TRMT11: variants seen among roughly 807,000 people sequenced by gnomAD.
The protein encoded by TRMT11 is tRNA (guanine(10)-N(2))-methyltransferase TRMT11.
A neutral mutation model predicts 62.8 loss-of-function variants in TRMT11; 53 were observed. The observed-to-expected ratio is 0.84, with a 90% CI of 0.68 to 1.06. The LOEUF is 1.06. Ranked by LOEUF, TRMT11 falls within the 50% of genes least tolerant of loss-of-function variation. TRMT11 has a pLI of 0.00. For missense variants in TRMT11, 556 were observed against 553.4 expected, an observed-to-expected ratio of 1.00 and a Z score of -0.05; for synonymous variants, 188 against 190.3, an observed-to-expected ratio of 0.99 and a Z score of 0.10.
At chr6:126,124,411 C>CAT (rs1777686964) in intron 21 of TRMT11, among the ~76,000 whole-genome samples, 1 of 151,996 alleles carries the variant, frequency 6.6e-6, no homozygotes, top group Non-Finnish European at 1.5e-5. Flanking sequence ...GTGCAGGTGT[C>CAT]ATAGATTGCA....
At chr6:126,262,615 T>G in the TRMT11 span, among the ~76,000 whole-genome samples, 1 of 152,094 alleles carries the variant, frequency 6.6e-6, no homozygotes, top group Non-Finnish European at 1.5e-5. Flanking sequence ...TCTGCAGCAG[T>G]GTACTTGTGT....
chr6:126,224,516 A>G, the TRMT11 span, among the ~76,000 whole-genome samples: 3 of 152,190 alleles, frequency 2.0e-5, no homozygotes, highest in East Asian at 3.9e-4. Flanking sequence ...GCACCTGTTG[A>G]TCTTGGGGGC....
At chr6:126,197,007 T>C (rs1778674718) in intron 1 of TRMT11, among the ~76,000 whole-genome samples, 1 of 152,168 alleles carries the variant, frequency 6.6e-6, no homozygotes, top group Non-Finnish European at 1.5e-5. Flanking sequence ...GCCCCAAAAT[T>C]TTGAAGTTCA....
At chr6:126,159,232 A>G (rs1357867182) in intron 21 of TRMT11, among the ~76,000 whole-genome samples, 1 of 151,864 alleles carries the variant, frequency 6.6e-6, no homozygotes, top group African/African-American at 2.4e-5. Context: ...GTCCCCTCCA[A>G]ACTTTCTTTC....
At chr6:126,116,274 C>T (rs1195157839) in intron 21 of TRMT11, among the ~76,000 whole-genome samples, 1 of 151,860 alleles carries the variant, frequency 6.6e-6, no homozygotes, top group African/African-American at 2.4e-5. Flanking sequence ...GAAGAAGATG[C>T]TAGAATGAAG....
chr6:126,093,604 TATATATATATATATATA>T lies in TRMT11; in HGVS notation c.*1438-19261_*1438-19245del, dbSNP rs1195292509. On this transcript the variant is annotated intron_variant and NMD_transcript_variant, in intron 17 of 22. Transcript: ENST00000648977. ...ATGTATGTATATATATATATATATA[TATATATATATATATATA>T]TATATATATATTTTCCCCCAGTCCT... Among the ~76,000 whole-genome samples the T allele has an allele frequency of 1.6e-4, 14 of 87,380 alleles. 2 individuals carry two copies. The highest frequency in any genetic ancestry group is 9.8e-4 in the African/African-American group (14 of 14,346). 57.3% of individuals were successfully genotyped at this position (87,380 alleles called of 152,430 possible). A position where few individuals can be genotyped will look rare whatever the true frequency, so the allele number is the denominator to read the frequency against.
upstream of TRMT11, among the ~76,000 whole-genome samples, chr6:126,174,998 A>G (rs1291430296): frequency 2.0e-5 from 3 of 152,222 alleles, no homozygotes; most frequent in African/African-American, 7.2e-5. Context: ...AAAGGAGCAT[A>G]TTGTATGTGC....
the TRMT11 span, among the ~76,000 whole-genome samples, chr6:126,231,091 G>A: frequency 1.3e-5 from 2 of 152,172 alleles, no homozygotes; most frequent in South Asian, 2.1e-4. Flanking sequence ...CACATTAGCT[G>A]TCTTTTATCT....
chr6:126,083,003 C>T (rs1777175456), intron 17 of TRMT11, among the ~76,000 whole-genome samples: 1 of 152,134 alleles, frequency 6.6e-6, no homozygotes. Flanking sequence ...AGAACTCATA[C>T]AACTCAAGAG....
intron 2 of TRMT11, 144 bp from the exon 3 acceptor site, chr6:125,995,823 C>G: frequency 1.6e-6 from 1 of 618,150 alleles, no homozygotes. Flanking sequence ...ACTATTGGAA[C>G]GATTTTTATT....
chr6:126,039,603 T>A (rs1436558434), downstream of TRMT11, among the ~76,000 whole-genome samples: 1 of 152,094 alleles, frequency 6.6e-6, no homozygotes, highest in Admixed American at 6.6e-5. Flanking sequence ...GCCTAATCAG[T>A]GCCCTTTGAA....
intron 21 of TRMT11, among the ~76,000 whole-genome samples, chr6:126,144,702 A>G (rs1448343424): frequency 6.6e-6 from 1 of 151,430 alleles, no homozygotes; most frequent in African/African-American, 2.4e-5. Context: ...ATTCTCAGAC[A>G]CTCTTCCTTG....
chr6:126,190,455 C>T (rs1454039026), intron 1 of TRMT11, among the ~76,000 whole-genome samples: 3 of 152,178 alleles, frequency 2.0e-5, no homozygotes, highest in African/African-American at 7.2e-5. Flanking sequence ...TTCCCCTTCA[C>T]CTTCCACCAT....
At chr6:126,013,535 A>G (rs563076362) in intron 11 of TRMT11, among the ~76,000 whole-genome samples, 2 of 152,214 alleles carry the variant, frequency 1.3e-5, no homozygotes, top group Non-Finnish European at 2.9e-5. Flanking sequence ...TGTTGTGATT[A>G]TAAGAGTGAG....
chr6:126,008,110 A>G (rs1022580951), intron 7 of TRMT11, among the ~76,000 whole-genome samples: 2 of 140,080 alleles, frequency 1.4e-5, no homozygotes, highest in Admixed American at 1.4e-4. Context: ...TAAGATGAAA[A>G]TGTCTAAATA....
intron 1 of TRMT11, among the ~76,000 whole-genome samples, chr6:126,194,297 T>G (rs1003922306): frequency 7.9e-5 from 12 of 152,200 alleles, no homozygotes; most frequent in Admixed American, 5.2e-4. Context: ...TCCCTTTAGA[T>G]CTCTTAATAT....
chr6:126,072,639 C>T (rs758108299), intron 17 of TRMT11, among the ~76,000 whole-genome samples: 2 of 152,186 alleles, frequency 1.3e-5, no homozygotes, highest in African/African-American at 2.4e-5. Flanking sequence ...ATATCACATA[C>T]TGGGTAGCTT....
intron 17 of TRMT11, among the ~76,000 whole-genome samples, chr6:126,079,233 A>T (rs867273887): frequency 6.0e-4 from 91 of 152,274 alleles, no homozygotes; most frequent in African/African-American, 2.0e-3. Flanking sequence ...TACTGAAGTT[A>T]TAAGTTTATA....
chr6:125,990,470 A>G (rs892299355), intron 1 of TRMT11, among the ~76,000 whole-genome samples: 13 of 151,606 alleles, frequency 8.6e-5, no homozygotes, highest in South Asian at 6.2e-4. Flanking sequence ...TTCCCTTTCT[A>G]TCGGGCACTC....
Sources: allele counts gnomAD v4.1 joint callset (sites outside exome capture counted in the v4.1 genomes callset), GRCh38; gene constraint gnomAD v4.1.1; transcripts MANE v1.5; gene names NCBI Gene and HGNC (gene_info 2026-07-23, HGNC 2026-07-21).